SLC14A2: variants seen among roughly 807,000 people sequenced by gnomAD.
The protein encoded by SLC14A2 is solute carrier family 14 member 2.
In SLC14A2, 91 loss-of-function variants were observed where a neutral mutation model predicts 104.6. The ratio of observed to expected loss-of-function variants is 0.87; its 90% CI spans 0.73 to 1.04. The LOEUF (loss-of-function observed/expected upper bound fraction) is 1.04, where lower values mean the gene tolerates loss of function less well. Ranked by LOEUF, SLC14A2 falls within the 50% of genes least tolerant of loss-of-function variation. The pLI is 0.00. For synonymous variants in SLC14A2, 476 were observed against 466.4 expected, an observed-to-expected ratio of 1.02 and a Z score of -0.27; for missense variants, 1,189 against 1,156.0, an observed-to-expected ratio of 1.03 and a Z score of -0.41.
intron 19 of SLC14A2, among the ~76,000 whole-genome samples, chr18:45,680,643 A>T (rs1044013702): frequency 3.9e-5 from 6 of 152,238 alleles, no homozygotes; most frequent in African/African-American, 1.4e-4. Flanking sequence ...CTGTTTGATG[A>T]TAATAACCAC....
intron 2 of SLC14A2, among the ~76,000 whole-genome samples, chr18:45,506,447 C>A (rs139871382): frequency 6.6e-6 from 1 of 152,252 alleles, no homozygotes; most frequent in African/African-American, 2.4e-5. Context: ...TACACAGAAC[C>A]TTGGAATGTG....
chr18:45,625,904 G>T (rs377720046), intron 3 of SLC14A2, 41 bp downstream of exon 3: 1 of 1,363,038 alleles, frequency 7.3e-7, no homozygotes, highest in Non-Finnish European at 9.6e-7. Flanking sequence ...GACCAGGCCA[G>T]GCCAGAGAGA....
At chr18:45,501,413 T>C (rs754028257) in intron 2 of SLC14A2, among the ~76,000 whole-genome samples, 1 of 152,226 alleles carries the variant, frequency 6.6e-6, no homozygotes, top group Non-Finnish European at 1.5e-5. Flanking sequence ...TAAAACATAT[T>C]AATAAAGTGA....
intron 1 of SLC14A2, among the ~76,000 whole-genome samples, chr18:45,414,117 A>G (rs1249164210): frequency 6.6e-6 from 1 of 152,204 alleles, no homozygotes; most frequent in Non-Finnish European, 1.5e-5. Flanking sequence ...TGCATAATTT[A>G]TTATTTACTG....
the SLC14A2 span, among the ~76,000 whole-genome samples, chr18:45,172,321 A>G: frequency 3.3e-5 from 5 of 152,256 alleles, no homozygotes; most frequent in African/African-American, 4.8e-5. Context: ...TAAAATTTAT[A>G]ATAAGCCAGC....
chr18:45,218,114 A>G (rs2084027230), intron 1 of SLC14A2, among the ~76,000 whole-genome samples: 2 of 152,212 alleles, frequency 1.3e-5, no homozygotes, highest in South Asian at 4.1e-4. Context: ...GCCATTGCCC[A>G]TCTACGTCCA....
intron 1 of SLC14A2, among the ~76,000 whole-genome samples, chr18:45,395,291 CATT>C (rs1269649424): frequency 3.9e-5 from 6 of 152,162 alleles, no homozygotes; most frequent in Non-Finnish European, 8.8e-5. Flanking sequence ...GAAGGACAAA[CATT>C]ATGTGATTCC....
intron 1 of SLC14A2, among the ~76,000 whole-genome samples, chr18:45,313,236 G>C (rs2085096757): frequency 6.6e-6 from 1 of 152,196 alleles, no homozygotes; most frequent in Non-Finnish European, 1.5e-5. Flanking sequence ...TCAAGAGGGG[G>C]ACTAGATGCC....
At chr18:45,522,706 AGT>A (rs1389459410) in intron 2 of SLC14A2, among the ~76,000 whole-genome samples, 3 of 152,174 alleles carry the variant, frequency 2.0e-5, no homozygotes, top group Non-Finnish European at 4.4e-5. Flanking sequence ...AATTTTGTAC[AGT>A]GTGCTTGTTA....
chr18:45,367,236 A>T (rs1450974817), intron 1 of SLC14A2, among the ~76,000 whole-genome samples: 1 of 152,166 alleles, frequency 6.6e-6, no homozygotes, highest in Non-Finnish European at 1.5e-5. Flanking sequence ...AAAGGGAAAA[A>T]GACTTGACCA....
intron 2 of SLC14A2, among the ~76,000 whole-genome samples, chr18:45,563,335 G>C (rs529958688): frequency 3.9e-4 from 60 of 152,312 alleles, no homozygotes; most frequent in African/African-American, 1.4e-3. Context: ...GTAGGAACTG[G>C]GGGGAACATA....
intron 2 of SLC14A2, among the ~76,000 whole-genome samples, chr18:45,589,143 G>A (rs911263728): frequency 5.3e-5 from 8 of 152,090 alleles, no homozygotes; most frequent in South Asian, 4.1e-4. Context: ...ACAACTCGGC[G>A]GCCTCGGCCA....
intron 8 of SLC14A2, among the ~76,000 whole-genome samples, chr18:45,642,086 G>A (rs1287631185): frequency 6.6e-6 from 1 of 152,206 alleles, no homozygotes; most frequent in Non-Finnish European, 1.5e-5. Flanking sequence ...TGGCAAAAGG[G>A]AGAGTCAATC....
At chr18:45,384,878 C>A (rs1408811871) in intron 1 of SLC14A2, among the ~76,000 whole-genome samples, 1 of 152,200 alleles carries the variant, frequency 6.6e-6, no homozygotes, top group Non-Finnish European at 1.5e-5. Flanking sequence ...TTCAGTGAGA[C>A]CTTAACCAAG....
chr18:45,300,919 G>T (rs1230625911), intron 1 of SLC14A2, among the ~76,000 whole-genome samples: 1 of 152,230 alleles, frequency 6.6e-6, no homozygotes, highest in Non-Finnish European at 1.5e-5. Context: ...AAAGGAGGCA[G>T]ATGTGTGCAT....
the SLC14A2 span, among the ~76,000 whole-genome samples, chr18:45,207,714 G>A: frequency 1.3e-5 from 2 of 152,148 alleles, no homozygotes; most frequent in African/African-American, 4.8e-5. Context: ...GGGTCATAGA[G>A]CAAACACACA....
rs752876528 is a variant in SLC14A2, at chr18:45,615,836, T to TGTGTGAGA, written c.-35+255_-35+256insTGTGAGAG. Among the ~76,000 whole-genome samples, 255 of 148,652 alleles carry TGTGTGAGA rather than the reference T, an allele frequency of 1.7e-3. 2 individuals are homozygous for TGTGTGAGA. The highest frequency in any genetic ancestry group is 0.011 in the Admixed American group (159 of 14,950). ...GGGTGTATGTGTGTGTGTGTGTGTG[T>TGTGTGAGA]GAGAGAGAGAGAGAGAGAGAGAGGG... is the stretch of plus-strand genomic sequence containing the variant. On this transcript the variant is annotated intron_variant, in intron 1 of 19. Transcript: ENST00000255226.
At chr18:45,630,046 G>C (rs930059619) in intron 4 of SLC14A2, among the ~76,000 whole-genome samples, 1 of 152,074 alleles carries the variant, frequency 6.6e-6, no homozygotes, top group African/African-American at 2.4e-5. Context: ...CTTTCTCTCT[G>C]AACAACCACA....
chr18:45,342,324 T>C (rs1361572422), intron 1 of SLC14A2, among the ~76,000 whole-genome samples: 1 of 152,052 alleles, frequency 6.6e-6, no homozygotes, highest in Non-Finnish European at 1.5e-5. Context: ...TGAGCTGAGA[T>C]ATGGCAGATA....
Sources: gnomAD v4.1 joint callset for allele counts (sites outside exome capture counted in the v4.1 genomes callset) on GRCh38, gnomAD v4.1.1 for gene constraint, MANE v1.5 for transcripts, NCBI Gene and HGNC (gene_info 2026-07-23, HGNC 2026-07-21) for gene names.